Variants in RASGRP3 observed in about 807,000 individuals in gnomAD.
RASGRP3 encodes the protein ras guanyl-releasing protein 3.
Under a neutral mutation model 82.7 loss-of-function variants are expected in RASGRP3, and 54 were observed. The ratio of observed to expected loss-of-function variants is 0.65; its 90% confidence interval spans 0.52 to 0.82. The LOEUF (loss-of-function observed/expected upper bound fraction) is 0.82, where lower values mean the gene tolerates loss of function less well. RASGRP3 is among the 40% of genes least tolerant of loss of function. The probability of loss-of-function intolerance (pLI) is 0.00; values close to 1 mark genes in which losing one functional copy is unlikely to be tolerated. For synonymous variants in RASGRP3, 309 were observed against 300.5 expected (o/e 1.03, Z -0.29); for missense variants, 861 against 828.9 (o/e 1.04, Z -0.48).
intron 7 of RASGRP3, 129 bp from the exon 8 acceptor site, chr2:33,523,750 T>A (rs1012685113): frequency 1.0e-6 from 1 of 1,004,426 alleles, no homozygotes; most frequent in Non-Finnish European, 1.4e-6. Context: ...TAGGATGCCA[T>A]TGTAAATGTG....
At chr2:33,552,740 T>C (rs1675491777) in intron 14 of RASGRP3, among the ~76,000 whole-genome samples, 1 of 152,154 alleles carries the variant, frequency 6.6e-6, no homozygotes. Flanking sequence ...AGAGTGTTAG[T>C]AATTCCCTTA....
intron 1 of RASGRP3, among the ~76,000 whole-genome samples, chr2:33,488,107 A>G (rs758579921): frequency 6.6e-5 from 10 of 152,362 alleles, no homozygotes; most frequent in Non-Finnish European, 1.2e-4. Context: ...TTCTTACTCG[A>G]TTATTTATGA....
chr2:33,503,262 G>A (rs1670050492), intron 1 of RASGRP3, among the ~76,000 whole-genome samples: 1 of 152,184 alleles, frequency 6.6e-6, no homozygotes, highest in South Asian at 2.1e-4. Context: ...TTTATCTCAT[G>A]TCAGAGATGA....
intron 14 of RASGRP3, among the ~76,000 whole-genome samples, chr2:33,550,077 G>A (rs1675217544): frequency 6.6e-6 from 1 of 152,154 alleles, no homozygotes; most frequent in Non-Finnish European, 1.5e-5. Context: ...CAATTAAGAG[G>A]TGCATTTATC....
chr2:33,527,087 G>A (rs762381589), intron 9 of RASGRP3, 50 bp from the exon 10 acceptor site: 2 of 1,593,810 alleles, frequency 1.3e-6, no homozygotes, highest in Admixed American at 3.4e-5. Flanking sequence ...GCCCGGGGGT[G>A]TGCAGGAGGG....
chr2:33,464,444 CT>C (rs1394689225), intron 2 of RASGRP3, among the ~76,000 whole-genome samples: 4 of 144,968 alleles, frequency 2.8e-5, no homozygotes, highest in African/African-American at 1.0e-4. Flanking sequence ...TATTTTATAT[CT>C]ATTTTGGTGA....
At chr2:33,474,898 T>C (rs1363612695), upstream of RASGRP3, among the ~76,000 whole-genome samples, 2 of 152,224 alleles carry the variant, frequency 1.3e-5, no homozygotes, top group African/African-American at 2.4e-5. Context: ...TGTTGGGCAT[T>C]GAAGAGTTTC....
intron 1 of RASGRP3, among the ~76,000 whole-genome samples, chr2:33,490,190 T>C (rs1159668510): frequency 6.6e-6 from 1 of 152,232 alleles, no homozygotes; most frequent in East Asian, 1.9e-4. Flanking sequence ...CTTCCTCTAC[T>C]ATGTTCTCCT....
At chr2:33,443,187 T>C (rs1665319401) in intron 1 of RASGRP3, among the ~76,000 whole-genome samples, 1 of 152,216 alleles carries the variant, frequency 6.6e-6, no homozygotes, top group Non-Finnish European at 1.5e-5. Flanking sequence ...TTCTATTTTT[T>C]AAATTGTCCC....
intron 11 of RASGRP3, among the ~76,000 whole-genome samples, chr2:33,538,314 C>T (rs1406942994): frequency 6.6e-6 from 1 of 151,750 alleles, no homozygotes; most frequent in African/African-American, 2.4e-5. Flanking sequence ...ACCAGCCTGG[C>T]CAACATGGTG....
chr2:33,446,491 A>AT (rs10710881), intron 1 of RASGRP3, among the ~76,000 whole-genome samples: 10 of 147,582 alleles, frequency 6.8e-5, no homozygotes, highest in Middle Eastern at 7.1e-3. Flanking sequence ...AATTTTTTGG[A>AT]TTTTTTTTTT....
rs1174652479 is a variant in RASGRP3, at chr2:33,562,738, C to T, written c.*1C>T. 6.2e-7 allele frequency: 1 copy of T among 1,613,576 alleles called. No individual in the cohort carries two copies. The highest frequency in any genetic ancestry group is 2.2e-5 in the East Asian group (1 of 44,886). ...CCAATTTGTGTTTCAGGATGGCTGA[C>T]TTCAGGCTGCGGAAACTGAAGGCAA... On this transcript the variant is annotated 3_prime_UTR_variant, in exon 18 of 18. Transcript: ENST00000403687.
intron 11 of RASGRP3, among the ~76,000 whole-genome samples, chr2:33,535,724 G>A (rs1389584797): frequency 6.6e-6 from 1 of 152,200 alleles, no homozygotes; most frequent in East Asian, 1.9e-4. Flanking sequence ...GGGATGATAT[G>A]GCACATGCAA....
intron 1 of RASGRP3, chr2:33,493,038 T>C (rs1230784420): frequency 1.3e-5 from 2 of 152,216 alleles, no homozygotes; most frequent in Non-Finnish European, 2.9e-5. Context: ...ATGCTGAGTG[T>C]GTACCTCTTC....
At chr2:33,509,400 A>C (rs1433516124) in intron 1 of RASGRP3, among the ~76,000 whole-genome samples, 1 of 112,646 alleles carries the variant, frequency 8.9e-6, no homozygotes, top group Non-Finnish European at 1.9e-5. Context: ...AGACCATCTC[A>C]AAAAAAAAAA....
intron 1 of RASGRP3, among the ~76,000 whole-genome samples, chr2:33,439,348 A>T (rs184781012): frequency 6.6e-6 from 1 of 152,250 alleles, no homozygotes; most frequent in African/African-American, 2.4e-5. Context: ...CCTGAGGCTG[A>T]GTTGGGTCTT....
intron 4 of RASGRP3, 163 bp downstream of exon 4, chr2:33,516,807 A>T: frequency 2.0e-6 from 1 of 497,008 alleles, no homozygotes; most frequent in Non-Finnish European, 3.5e-6. Context: ...CATCTGGATG[A>T]TAGACCAGAT....
chr2:33,524,187 C>G (rs1286288544), intron 8 of RASGRP3, 135 bp downstream of exon 8: 1 of 1,119,382 alleles, frequency 8.9e-7, no homozygotes, highest in Non-Finnish European at 1.3e-6. Flanking sequence ...ATCTAATGAA[C>G]AAATCGTATT....
chr2:33,466,440 A>G (rs1466428766), intron 2 of RASGRP3, among the ~76,000 whole-genome samples: 1 of 152,182 alleles, frequency 6.6e-6, no homozygotes, highest in Non-Finnish European at 1.5e-5. Flanking sequence ...GCACCTTGGG[A>G]GGCCGAGGCG....
Sources: gnomAD v4.1 joint callset for allele counts (sites outside exome capture counted in the v4.1 genomes callset) on GRCh38, gnomAD v4.1.1 for gene constraint, MANE v1.5 for transcripts, NCBI Gene and HGNC (gene_info 2026-07-23, HGNC 2026-07-21) for gene names.